The following ANKRD12 variants were observed in gnomAD, a reference collection of about 807,000 sequenced individuals.
ANKRD12 encodes the protein ankyrin repeat domain 12.
A neutral mutation model predicts 183.4 loss-of-function variants in ANKRD12; 85 were observed. The ratio of observed to expected loss-of-function variants is 0.46; its 90% CI spans 0.39 to 0.56. The LOEUF (loss-of-function observed/expected upper bound fraction) is 0.56. ANKRD12 is among the 20% of genes least tolerant of loss of function. The probability of loss-of-function intolerance (pLI) is 0.00; values close to 1 mark genes in which losing one functional copy is unlikely to be tolerated. For synonymous variants in ANKRD12, 914 were observed against 800.2 expected (o/e 1.14, Z -2.40); for missense variants, 2,405 against 2,357.1 (o/e 1.02, Z -0.42).
chr18:9,268,942 A>G (rs550275048), intron 10 of ANKRD12, among the ~76,000 whole-genome samples: 5 of 152,338 alleles, frequency 3.3e-5, no homozygotes, highest in Admixed American at 1.3e-4. Flanking sequence ...TGCAAAATCA[A>G]TGTGCAAAAA....
At position 9,285,291 on chromosome 18, in the gene ANKRD12, C is replaced by A; in HGVS notation, c.*4165C>A. 1 of 151,146 alleles carries A rather than the reference C, an allele frequency of 6.6e-6. No individual in the cohort carries two copies. The allele number at this position is 151,146 out of a possible 1,614,324, so 9.4% of individuals were successfully genotyped here. ...ACTAAAAATACAAAAATTAGCCAAG[C>A]GTGACGGTGCCTGCCTGTAGTCCTA... On this transcript the variant is annotated 3_prime_UTR_variant, in exon 13 of 13. Transcript: ENST00000262126.
chr18:9,201,829 T>C (rs2035188236), intron 3 of ANKRD12, among the ~76,000 whole-genome samples: 1 of 91,676 alleles, frequency 1.1e-5, no homozygotes, highest in Admixed American at 1.6e-4. Context: ...TTTTTTCGCT[T>C]TTTTTTTTTT....
chr18:9,241,246 G>T (rs1018457096), intron 8 of ANKRD12, among the ~76,000 whole-genome samples: 10 of 152,024 alleles, frequency 6.6e-5, no homozygotes, highest in Admixed American at 6.6e-5. Context: ...TTTGATGATC[G>T]GGAATCTAGA....
chr18:9,197,507 C>G (rs2034907309), intron 3 of ANKRD12, among the ~76,000 whole-genome samples: 2 of 152,192 alleles, frequency 1.3e-5, no homozygotes, highest in Admixed American at 1.3e-4. Flanking sequence ...TTCCCAAGTA[C>G]TTAACTACTA....
chr18:9,278,642 C>G (rs2039964928), intron 11 of ANKRD12, among the ~76,000 whole-genome samples: 1 of 152,056 alleles, frequency 6.6e-6, no homozygotes, highest in African/African-American at 2.4e-5. Flanking sequence ...AGTAAAAATA[C>G]AAAAATTAGC....
At chr18:9,243,577 C>T (rs1376750154) in intron 8 of ANKRD12, among the ~76,000 whole-genome samples, 1 of 152,054 alleles carries the variant, frequency 6.6e-6, no homozygotes, top group Non-Finnish European at 1.5e-5. Flanking sequence ...ATCCACCAAC[C>T]ATAACAAAAA....
intron 10 of ANKRD12, among the ~76,000 whole-genome samples, chr18:9,272,397 T>C (rs2039647557): frequency 6.6e-6 from 1 of 151,984 alleles, no homozygotes; most frequent in Non-Finnish European, 1.5e-5. Context: ...ATCGCATCTC[T>C]ACTAAAAATA....
At chr18:9,159,062 A>C (rs2143735826) in intron 1 of ANKRD12, among the ~76,000 whole-genome samples, 1 of 152,248 alleles carries the variant, frequency 6.6e-6, no homozygotes, top group Admixed American at 6.5e-5. Flanking sequence ...CTGGGAGTGC[A>C]AGATTATCCA....
chr18:9,161,703 T>C (rs1342299955), intron 1 of ANKRD12, among the ~76,000 whole-genome samples: 2 of 151,754 alleles, frequency 1.3e-5, no homozygotes, highest in Non-Finnish European at 2.9e-5. Flanking sequence ...GAAAAAAGAA[T>C]TGTGTATAGT....
At chr18:9,229,678 T>C (rs2144846641) in intron 8 of ANKRD12, among the ~76,000 whole-genome samples, 1 of 152,318 alleles carries the variant, frequency 6.6e-6, no homozygotes, top group East Asian at 1.9e-4. Context: ...TTACTGAATT[T>C]GATTATCAGT....
chr18:9,205,234 G>C (rs1053182150), intron 4 of ANKRD12, among the ~76,000 whole-genome samples: 10 of 145,900 alleles, frequency 6.9e-5, no homozygotes, highest in Non-Finnish European at 1.3e-4. Context: ...GTGTTCTCTA[G>C]TATGTGACAG....
At chr18:9,270,617 G>T (rs1231184908) in intron 10 of ANKRD12, among the ~76,000 whole-genome samples, 1 of 152,130 alleles carries the variant, frequency 6.6e-6, no homozygotes, top group African/African-American at 2.4e-5. Flanking sequence ...GCCTGTTGTG[G>T]GGTGGAGGGA....
Position 9,187,890 on chromosome 18 carries a change from C to T in ANKRD12, c.87+5371C>T, listed in dbSNP as rs149235877. 5.3e-5 allele frequency among the ~76,000 whole-genome samples: 8 copies of T among 152,288 alleles called. No individual in the cohort carries two copies. The South Asian group carries it at 1.0e-3, about 20-fold the overall frequency. On this transcript the variant is annotated intron_variant, in intron 2 of 12. Coordinates refer to ENST00000262126, the MANE Select transcript of ANKRD12 (RefSeq NM_015208.5). ...TATCCTTTTCGTCATCAGTGTAGTT[C>T]AGACATTCATTATTTCCTCTCCAAG...
chr18:9,231,718 G>A lies in ANKRD12; in HGVS notation c.943+9719G>A, dbSNP rs1225833976. 2.6e-5 allele frequency among the ~76,000 whole-genome samples: 4 copies of A among 151,426 alleles called. No homozygotes were observed. The South Asian group carries it at 6.3e-4, about 24-fold the overall frequency. On this transcript the variant is annotated intron_variant, in intron 8 of 12. Transcript: ENST00000262126. ...CAGGCGCCTGTAGTCCCAGCTACTC[G>A]GGAGGCTGAGGCAGGAGGATAGCAT...
chr18:9,173,378 C>T (rs1318591305), intron 1 of ANKRD12, among the ~76,000 whole-genome samples: 1 of 151,908 alleles, frequency 6.6e-6, no homozygotes, highest in Non-Finnish European at 1.5e-5. Context: ...CAGTTGCTGA[C>T]CTTTAAATGG....
At chr18:9,230,004 C>T (rs2036949617) in intron 8 of ANKRD12, among the ~76,000 whole-genome samples, 1 of 152,112 alleles carries the variant, frequency 6.6e-6, no homozygotes, top group South Asian at 2.1e-4. Context: ...GGAGAATCCC[C>T]TCCTCTTCAA....
At chr18:9,245,348 AG>A (rs2145052585) in intron 8 of ANKRD12, among the ~76,000 whole-genome samples, 1 of 151,318 alleles carries the variant, frequency 6.6e-6, no homozygotes, top group African/African-American at 2.4e-5. Flanking sequence ...CTACTTAGGG[AG>A]CTGAGGTGGG....
Position 9,282,109 on chromosome 18 carries a change from G to T in ANKRD12, c.*983G>T, listed in dbSNP as rs2040122806. On this transcript the variant is annotated 3_prime_UTR_variant, in exon 13 of 13. Transcript: ENST00000262126. ...GCCTTTGAATGAAAATTCTGAAATT[G>T]TAAATGTCTATTTTAATATTCACCT... 1 of 152,492 alleles carries T rather than the reference G, an allele frequency of 6.6e-6. No homozygotes were observed. Among genetic ancestry groups the T allele is most frequent in the South Asian group, 2.1e-4 (1 of 4,826 alleles). 9.4% of individuals were successfully genotyped at this position (152,492 alleles called of 1,614,324 possible).
intron 8 of ANKRD12, among the ~76,000 whole-genome samples, chr18:9,253,274 A>C (rs946219889): frequency 1.3e-5 from 2 of 152,178 alleles, no homozygotes; most frequent in African/African-American, 4.8e-5. Flanking sequence ...CTATTGTGCT[A>C]CTGAACACTA....
Sources: gnomAD v4.1 joint callset for allele counts (sites outside exome capture counted in the v4.1 genomes callset) on GRCh38, gnomAD v4.1.1 for gene constraint, MANE v1.5 for transcripts, NCBI Gene and HGNC (gene_info 2026-07-23, HGNC 2026-07-21) for gene names.